Variants in AFDN observed in about 807,000 individuals in gnomAD.
The protein encoded by AFDN is afadin, adherens junction formation factor.
AFDN carries 68 observed loss-of-function variants against 216.6 expected under a neutral mutation model. The ratio of observed to expected loss-of-function variants is 0.31; its 90% CI spans 0.26 to 0.38. AFDN has a LOEUF of 0.38. Ranked by LOEUF, AFDN falls within the 10% of genes least tolerant of loss-of-function variation. AFDN has a pLI of 1.00. For missense variants in AFDN, 2,136 were observed against 2,342.0 expected (o/e 0.91, Z 1.82); for synonymous variants, 868 against 853.7 (o/e 1.02, Z -0.29).
chr6:167,931,402 T>C (rs1487938701), intron 23 of AFDN, among the ~76,000 whole-genome samples: 1 of 152,022 alleles, frequency 6.6e-6, no homozygotes, highest in Non-Finnish European at 1.5e-5. Flanking sequence ...GATAGTTGGA[T>C]AGTGAAGCTC....
chr6:167,874,050 A>G (rs1376804194), intron 4 of AFDN, among the ~76,000 whole-genome samples: 1 of 152,260 alleles, frequency 6.6e-6, no homozygotes. Flanking sequence ...AAAAATGTAC[A>G]AAGATACGTT....
chr6:167,903,338 G>A (rs553696623), intron 12 of AFDN, among the ~76,000 whole-genome samples: 8 of 152,326 alleles, frequency 5.3e-5, no homozygotes, highest in Non-Finnish European at 7.3e-5. Context: ...TGGCTGGAGT[G>A]CAGGGCCCAC....
chr6:167,889,064 A>G, intron 6 of AFDN, 151 bp from the exon 7 acceptor site: 1 of 563,676 alleles, frequency 1.8e-6, no homozygotes, highest in Non-Finnish European at 3.1e-6. Flanking sequence ...ACTTTTATTG[A>G]TGATTATTTT....
Position 167,957,153 on chromosome 6 carries a change from G to A in AFDN, c.4833+4966G>A, listed in dbSNP as rs193002234. Among the ~76,000 whole-genome samples the A allele has an allele frequency of 3.9e-3, 594 of 151,410 alleles. 4 individuals are homozygous for A. Among genetic ancestry groups the A allele is most frequent in the African/African-American group, 0.014 (573 of 41,050 alleles). On this transcript the variant is annotated intron_variant, in intron 30 of 33. Transcript: ENST00000683244. ...TGGCACATGCAGGTGTCTCTCAGAT[G>A]CCACCTTTCTGGGGGGGCCCACCTG...
chr6:167,946,584 G>T (rs542366123), intron 26 of AFDN, 123 bp from the exon 27 acceptor site: 5 of 767,428 alleles, frequency 6.5e-6, no homozygotes, highest in East Asian at 5.8e-5. Flanking sequence ...TTATGATTCT[G>T]TAGGAAGAAT....
intron 1 of AFDN, among the ~76,000 whole-genome samples, chr6:167,834,103 T>A (rs566213762): frequency 8.5e-5 from 13 of 152,288 alleles, no homozygotes; most frequent in East Asian, 1.9e-4. Context: ...AATTTTTTTT[T>A]AAATTTTTTA....
At position 167,951,656 on chromosome 6, in the gene AFDN, G is replaced by A. The variant is rs1795998503; in HGVS notation, c.4302G>A (p.Glu1434=). 1.9e-6 allele frequency: 3 copies of A among 1,614,058 alleles called. No individual in the cohort carries two copies. The highest frequency in any genetic ancestry group is 2.5e-6 in the Non-Finnish European group (3 of 1,179,962). Residue 1434 remains glutamate, a synonymous_variant, in exon 30 of 34, where the codon GAG becomes GAA. Coordinates refer to ENST00000683244, the MANE Select transcript of AFDN (RefSeq NM_001386888.1). This position sits in a 1 kb window ranked among gnomAD's most constrained non-coding sequence, Gnocchi z 7.1. ...ATGAGAAGGAGAAGGCCCGCCTGGA[G>A]GAGGAGCGGGAGAGGAAGCGGAGAG... is the stretch of plus-strand genomic sequence containing the variant. ...RWYEKEKARL[E]EERERKRREQ... is the part of the protein sequence containing the mutation.
chr6:167,847,333 C>CT (rs1054017413), intron 1 of AFDN, among the ~76,000 whole-genome samples: 21 of 152,316 alleles, frequency 1.4e-4, no homozygotes, highest in Non-Finnish European at 1.6e-4. Flanking sequence ...ATTTACATCT[C>CT]TAAGTTTGGC....
At chr6:167,947,320 T>C (rs559645047) in intron 27 of AFDN, among the ~76,000 whole-genome samples, 2,708 of 152,148 alleles carry the variant, frequency 0.018, 36 homozygotes, top group Non-Finnish European at 0.027. Flanking sequence ...GCTGGGACTA[T>C]GGGCGCCCAC....
chr6:167,882,228 AAAT>A (rs1373213511), intron 6 of AFDN, among the ~76,000 whole-genome samples: 1 of 152,160 alleles, frequency 6.6e-6, no homozygotes, highest in Non-Finnish European at 1.5e-5. Context: ...TATATAAAGT[AAAT>A]AAGCGATAGA....
chr6:167,891,046 C>A lies in AFDN; in HGVS notation c.1177+17C>A. On this transcript the variant is annotated intron_variant, in intron 8 of 33. Transcript: ENST00000683244. ...TAAGCCCAGGTGAGAAAACTGGTCA[C>A]ACCAGCACACATTATTAATGTGCAT... 1 of 1,556,750 alleles carries A rather than the reference C, an allele frequency of 6.4e-7. No individual in the cohort carries two copies.
intron 5 of AFDN, among the ~76,000 whole-genome samples, chr6:167,879,995 C>A (rs938609960): frequency 6.6e-6 from 1 of 152,044 alleles, no homozygotes; most frequent in African/African-American, 2.4e-5. Context: ...GTAAGGAAAT[C>A]GCAAAGCAAT....
At chr6:167,902,242 T>G (rs1789070544) in intron 11 of AFDN, 75 bp from the exon 12 acceptor site, 2 of 1,053,744 alleles carry the variant, frequency 1.9e-6, no homozygotes, top group Admixed American at 3.9e-5. Flanking sequence ...TAGTTCTTCC[T>G]TGTGTATTAA....
chr6:167,827,150 T>G lies in AFDN; in HGVS notation c.18T>G (p.Arg6=). The change falls in exon 1 of 34, where the codon CGT becomes CGG. Residue 6 remains arginine, a synonymous_variant. Coordinates refer to ENST00000683244, the MANE Select transcript of AFDN (RefSeq NM_001386888.1). MSAGG[R]DEERRKLADI... is the part of the protein sequence containing the mutation. ...CCAGGACCATGTCGGCGGGCGGCCG[T>G]GACGAGGAGCGGCGGAAGCTGGCCG... 1 of 1,291,086 alleles carries G rather than the reference T, an allele frequency of 7.7e-7. No individual in the cohort carries two copies. The highest frequency in any genetic ancestry group is 1.0e-6 in the Non-Finnish European group (1 of 991,766). 80.0% of individuals were successfully genotyped at this position (1,291,086 alleles called of 1,614,324 possible).
At chr6:167,842,244 A>G (rs909685942) in intron 1 of AFDN, among the ~76,000 whole-genome samples, 2 of 151,550 alleles carry the variant, frequency 1.3e-5, no homozygotes, top group Admixed American at 6.6e-5. Context: ...GGCTTTATTT[A>G]CCACCCTTTT....
Position 167,962,452 on chromosome 6 carries a change from G to C in AFDN, c.4853G>C (p.Arg1618Thr). The C allele has an allele frequency of 1.2e-6, 2 of 1,613,770 alleles. No homozygotes were observed. The highest frequency in any genetic ancestry group is 1.7e-6 in the Non-Finnish European group (2 of 1,179,838). ...TGTTAGTTGCAGGACGAGGAGCGGA[G>C]GCGGCAGCAGCAGTTAGAAGAGATG... ...RRARLQDEER[R>T]RQQQLEEMRK... Residue 1618 changes from arginine (R) to threonine (T), a missense_variant, in exon 31 of 34, where the codon AGG becomes ACG. By Grantham distance (71) the Arg-to-Thr change is moderately conservative (BLOSUM62 -1). This residue lies in a region of AFDN where 981 missense variants were observed against 966.0 expected (regional missense o/e 1.02). Transcript: ENST00000683244. The surrounding 1 kb of genome is among the most constrained non-coding windows in gnomAD (Gnocchi z 5.2).
chr6:167,829,970 C>CT (rs1188298960), intron 1 of AFDN, among the ~76,000 whole-genome samples: 1 of 152,032 alleles, frequency 6.6e-6, no homozygotes, highest in East Asian at 1.9e-4. Flanking sequence ...TTTTCAGGCT[C>CT]TTTGTCACTT....
intron 13 of AFDN, among the ~76,000 whole-genome samples, chr6:167,910,738 C>G (rs559704978): frequency 6.6e-6 from 1 of 152,262 alleles, no homozygotes; most frequent in Non-Finnish European, 1.5e-5. Context: ...GTTAGTTTTT[C>G]TTTGTGTCAC....
At chr6:167,862,179 C>G (rs1783653795) in intron 1 of AFDN, among the ~76,000 whole-genome samples, 2 of 152,024 alleles carry the variant, frequency 1.3e-5, no homozygotes, top group South Asian at 4.2e-4. Context: ...GCGGCAGATG[C>G]TTGAATGATT....
Sources: gnomAD v4.1 joint callset for allele counts (sites outside exome capture counted in the v4.1 genomes callset) on GRCh38, gnomAD v4.1.1 for gene constraint, gnomAD v4.1.1 regional missense constraint, Gnocchi (gnomAD v3.1) non-coding constraint, MANE v1.5 for transcripts, NCBI Gene and HGNC (gene_info 2026-07-23, HGNC 2026-07-21) for gene names.